Variants in AGBL4 observed in about 807,000 individuals in gnomAD.
The protein encoded by AGBL4 is cytosolic carboxypeptidase 6.
In AGBL4, 58 loss-of-function variants were observed where a neutral mutation model predicts 66.4. The observed-to-expected ratio is 0.87, with a 90% CI of 0.71 to 1.09. The LOEUF is 1.09. AGBL4 is among the 50% of genes least tolerant of loss of function. The probability of loss-of-function intolerance (pLI) is 0.00; values close to 1 mark genes in which losing one functional copy is unlikely to be tolerated. For synonymous variants in AGBL4, 234 were observed against 222.9 expected, an observed-to-expected ratio of 1.05 and a Z score of -0.44; for missense variants, 579 against 631.0, an observed-to-expected ratio of 0.92 and a Z score of 0.88.
At chr1:48,570,446 G>T (rs1331665436) in intron 11 of AGBL4, among the ~76,000 whole-genome samples, 1 of 152,192 alleles carries the variant, frequency 6.6e-6, no homozygotes, top group Non-Finnish European at 1.5e-5. Context: ...GAGGACAGGA[G>T]GAAGAACAGT....
intron 2 of AGBL4, among the ~76,000 whole-genome samples, chr1:49,734,391 T>C (rs1649699930): frequency 6.6e-6 from 1 of 152,016 alleles, no homozygotes. Flanking sequence ...ATCCTATATT[T>C]GGAAGACCTC....
intron 3 of AGBL4, among the ~76,000 whole-genome samples, chr1:49,521,415 A>G (rs1470849832): frequency 1.3e-5 from 2 of 152,116 alleles, no homozygotes; most frequent in Non-Finnish European, 2.9e-5. Context: ...AAACAGACAC[A>G]TAGACCAATG....
In AGBL4 at chr1:49,903,519, T is replaced by A. The variant is rs548736347; in HGVS notation, c.35-52001A>T. 3.4e-3 allele frequency among the ~76,000 whole-genome samples: 524 copies of A among 152,162 alleles called. 1 individual carries two copies. Among genetic ancestry groups the A allele is most frequent in the African/African-American group, 0.012 (495 of 41,528 alleles). ...TGAACCTAAAAGTTATTATAAAAAA[T>A]AATAATAATAATTGTATGAACTTCA... On this transcript the variant is annotated intron_variant, in intron 1 of 13. Coordinates refer to ENST00000371839, the MANE Select transcript of AGBL4 (RefSeq NM_032785.4).
intron 3 of AGBL4, among the ~76,000 whole-genome samples, chr1:49,337,153 A>G (rs943045623): frequency 6.6e-6 from 1 of 152,190 alleles, no homozygotes; most frequent in Non-Finnish European, 1.5e-5. Flanking sequence ...GATAACTGAG[A>G]TGGCATGTAA....
chr1:48,838,848 T>C (rs1646738873), intron 6 of AGBL4, among the ~76,000 whole-genome samples: 1 of 151,730 alleles, frequency 6.6e-6, no homozygotes, highest in South Asian at 2.1e-4. Flanking sequence ...AAGAAAACAA[T>C]CTGATTTAAA....
intron 5 of AGBL4, among the ~76,000 whole-genome samples, chr1:48,926,565 A>T (rs1357017577): frequency 6.6e-6 from 1 of 152,038 alleles, no homozygotes; most frequent in Non-Finnish European, 1.5e-5. Context: ...CTGGGATTAC[A>T]GGTATGAGGC....
intron 10 of AGBL4, among the ~76,000 whole-genome samples, chr1:48,590,442 G>A (rs906338217): frequency 3.3e-5 from 5 of 150,256 alleles, no homozygotes; most frequent in Non-Finnish European, 5.9e-5. Context: ...AGTAGCCCCA[G>A]CTACTCAGGA....
chr1:49,096,449 A>G (rs1435327320), intron 4 of AGBL4, among the ~76,000 whole-genome samples: 1 of 151,942 alleles, frequency 6.6e-6, no homozygotes, highest in Non-Finnish European at 1.5e-5. Flanking sequence ...CAAATGTCCA[A>G]CAATGATAGA....
intron 2 of AGBL4, among the ~76,000 whole-genome samples, chr1:49,705,724 T>C (rs1647198620): frequency 6.6e-6 from 1 of 152,134 alleles, no homozygotes; most frequent in Non-Finnish European, 1.5e-5. Context: ...CATCATTACC[T>C]AGTTTATTGA....
At chr1:48,951,152 T>C (rs1021133265) in intron 5 of AGBL4, among the ~76,000 whole-genome samples, 12 of 152,314 alleles carry the variant, frequency 7.9e-5, no homozygotes, top group African/African-American at 2.9e-4. Flanking sequence ...AGCTCTCTTA[T>C]ATCTTACCCC....
At chr1:49,432,556 T>G (rs1355099570) in intron 3 of AGBL4, among the ~76,000 whole-genome samples, 3 of 152,172 alleles carry the variant, frequency 2.0e-5, no homozygotes, top group African/African-American at 7.2e-5. Flanking sequence ...CATATATGTA[T>G]GTGTTTTTAT....
At chr1:49,287,452 G>T (rs1457878603) in intron 3 of AGBL4, among the ~76,000 whole-genome samples, 2 of 149,400 alleles carry the variant, frequency 1.3e-5, no homozygotes, top group African/African-American at 4.9e-5. Context: ...GAAAATTTTC[G>T]CAACCTACTC....
At chr1:48,619,807 T>G (rs1645381185) in intron 9 of AGBL4, among the ~76,000 whole-genome samples, 1 of 152,096 alleles carries the variant, frequency 6.6e-6, no homozygotes, top group African/African-American at 2.4e-5. Flanking sequence ...GGGGCTGCTG[T>G]GTACAGTGGC....
intron 2 of AGBL4, among the ~76,000 whole-genome samples, chr1:49,822,642 T>C (rs570143827): frequency 2.0e-5 from 3 of 152,204 alleles, no homozygotes; most frequent in Admixed American, 6.5e-5. Flanking sequence ...CCAATCCACA[T>C]TGATATCTTA....
intron 4 of AGBL4, among the ~76,000 whole-genome samples, chr1:49,079,565 G>T (rs894268448): frequency 2.0e-5 from 3 of 152,118 alleles, no homozygotes; most frequent in Admixed American, 2.0e-4. Flanking sequence ...CTCTTGACAC[G>T]TGGGGATTAC....
chr1:48,854,149 G>A (rs895667937), intron 6 of AGBL4, among the ~76,000 whole-genome samples: 1 of 152,206 alleles, frequency 6.6e-6, no homozygotes, highest in Non-Finnish European at 1.5e-5. Flanking sequence ...CCCCAAGGCA[G>A]TTTAACATCT....
intron 1 of AGBL4, chr1:49,994,981 G>A (rs549223480): frequency 1.6e-4 from 60 of 372,324 alleles, no homozygotes; most frequent in South Asian, 8.6e-4. Flanking sequence ...AAAGAGCCCC[G>A]TGGGCACTCT....
chr1:48,869,382 A>G (rs61785987), intron 5 of AGBL4, among the ~76,000 whole-genome samples: 73,349 of 152,140 alleles, frequency 0.48, 20,893 homozygotes, highest in Non-Finnish European at 0.65. Context: ...GCCAAGGTCA[A>G]CCTATGTGGC....
chr1:49,543,974 C>A (rs1301020754), intron 3 of AGBL4, among the ~76,000 whole-genome samples: 1 of 152,202 alleles, frequency 6.6e-6, no homozygotes, highest in Non-Finnish European at 1.5e-5. Context: ...CATTACCATA[C>A]TAAAATTCCC....
Sources: allele counts gnomAD v4.1 joint callset (sites outside exome capture counted in the v4.1 genomes callset), GRCh38; gene constraint gnomAD v4.1.1; transcripts MANE v1.5; gene names NCBI Gene and HGNC (gene_info 2026-07-23, HGNC 2026-07-21).